The following SPOCK1 variants were observed in gnomAD, a reference collection of about 807,000 sequenced individuals.
SPOCK1 encodes the protein SPARC (osteonectin), cwcv and kazal like domains proteoglycan 1.
A neutral mutation model predicts 55.3 loss-of-function variants in SPOCK1; 23 were observed. That is an observed-to-expected ratio of 0.42 (90% CI 0.30 to 0.59). SPOCK1 has a LOEUF of 0.59. Among genes scored for constraint, SPOCK1 ranks in the 20% least tolerant of loss-of-function variants. The pLI is 0.22. For synonymous variants in SPOCK1, 226 were observed against 221.0 expected (o/e 1.02, Z -0.20); for missense variants, 499 against 552.5 (o/e 0.90, Z 0.97).
chr5:137,196,349 T>C (rs905992378), intron 3 of SPOCK1, among the ~76,000 whole-genome samples: 1 of 152,184 alleles, frequency 6.6e-6, no homozygotes, highest in African/African-American at 2.4e-5. Flanking sequence ...TGCATCTGCC[T>C]GAAAACCTTT....
At chr5:137,393,808 A>G (rs1751781525) in intron 2 of SPOCK1, among the ~76,000 whole-genome samples, 1 of 152,258 alleles carries the variant, frequency 6.6e-6, no homozygotes, top group Non-Finnish European at 1.5e-5. Context: ...GGCCAGGAAC[A>G]TTGTATACAC....
intron 5 of SPOCK1, among the ~76,000 whole-genome samples, chr5:137,083,937 T>C (rs902170639): frequency 6.6e-6 from 1 of 151,664 alleles, no homozygotes; most frequent in African/African-American, 2.4e-5. Context: ...ACAAACCTGC[T>C]CTCAAATCCC....
intron 6 of SPOCK1, among the ~76,000 whole-genome samples, chr5:137,040,873 G>C (rs1376877676): frequency 2.0e-5 from 3 of 152,116 alleles, no homozygotes; most frequent in South Asian, 4.1e-4. Context: ...ACTGGCCAAG[G>C]AAATTGTTCC....
At chr5:137,088,362 TG>T (rs1338079499) in intron 5 of SPOCK1, among the ~76,000 whole-genome samples, 13 of 152,262 alleles carry the variant, frequency 8.5e-5, no homozygotes, top group Non-Finnish European at 1.9e-4. Flanking sequence ...GCTGGTTGTA[TG>T]TTTTCCTTTG....
rs145057785 is a variant in SPOCK1 at position 137,198,594 on chromosome 5, C to T, written c.233-57900G>A. On this transcript the variant is annotated intron_variant, in intron 3 of 10. Coordinates refer to ENST00000394945, the MANE Select transcript of SPOCK1 (RefSeq NM_004598.4). ...ATGCTAATTGTTTATCTACAGTCTA[C>T]GAAATTTTTTGCTCATCTCTGTCTA... is the stretch of plus-strand genomic sequence containing the variant. Among the ~76,000 whole-genome samples, 1,084 of 152,260 alleles carry T rather than the reference C, an allele frequency of 7.1e-3. 13 individuals carry two copies. The highest frequency in any genetic ancestry group is 0.024 in the African/African-American group (982 of 41,560).
At chr5:137,180,246 A>T (rs554532761) in intron 3 of SPOCK1, among the ~76,000 whole-genome samples, 4 of 152,254 alleles carry the variant, frequency 2.6e-5, no homozygotes, top group African/African-American at 9.6e-5. Context: ...GCCAAGTGTA[A>T]CATGTTTTGT....
chr5:137,028,337 G>A (rs1445077063), intron 6 of SPOCK1, among the ~76,000 whole-genome samples: 2 of 152,202 alleles, frequency 1.3e-5, no homozygotes, highest in Non-Finnish European at 2.9e-5. Context: ...ACTACCACTT[G>A]CAGACTCTAA....
At chr5:137,411,029 C>G (rs1030889958) in intron 2 of SPOCK1, among the ~76,000 whole-genome samples, 5 of 152,184 alleles carry the variant, frequency 3.3e-5, no homozygotes, top group Admixed American at 6.5e-5. Flanking sequence ...TTCTCAGGAC[C>G]AGTGGCATCA....
chr5:137,322,841 T>C (rs1561504356), intron 2 of SPOCK1, among the ~76,000 whole-genome samples: 1 of 152,160 alleles, frequency 6.6e-6, no homozygotes, highest in Non-Finnish European at 1.5e-5. Flanking sequence ...CAGGAATTTA[T>C]TTTCTCACAG....
chr5:137,302,084 C>G (rs1290619311), intron 2 of SPOCK1, among the ~76,000 whole-genome samples: 1 of 152,112 alleles, frequency 6.6e-6, no homozygotes, highest in East Asian at 1.9e-4. Context: ...TATTGCAGAA[C>G]CTATAAACAG....
intron 2 of SPOCK1, among the ~76,000 whole-genome samples, chr5:137,492,338 T>C (rs1446496534): frequency 1.3e-5 from 2 of 152,176 alleles, no homozygotes; most frequent in African/African-American, 4.8e-5. Context: ...ATGAAAACTA[T>C]GATGATGCAG....
chr5:137,070,818 T>C (rs1164885448), intron 5 of SPOCK1, among the ~76,000 whole-genome samples: 1 of 151,988 alleles, frequency 6.6e-6, no homozygotes, highest in East Asian at 1.9e-4. Context: ...GCCTGCAGCA[T>C]CCCCTCTCCT....
At chr5:136,998,708 T>C (rs969579706) in intron 6 of SPOCK1, among the ~76,000 whole-genome samples, 4 of 152,248 alleles carry the variant, frequency 2.6e-5, no homozygotes, top group African/African-American at 9.6e-5. Flanking sequence ...CTCTCACCTT[T>C]GTTAGCTTTG....
chr5:137,044,779 G>A (rs1480651267), intron 6 of SPOCK1, among the ~76,000 whole-genome samples: 9 of 146,306 alleles, frequency 6.2e-5, no homozygotes, highest in African/African-American at 2.3e-4. Flanking sequence ...ATCTCCCAAT[G>A]CTATCCCTCC....
intron 3 of SPOCK1, among the ~76,000 whole-genome samples, chr5:137,164,981 C>G (rs753910657): frequency 6.6e-6 from 1 of 152,220 alleles, no homozygotes. Flanking sequence ...CTGCCCAGGT[C>G]CTGGGGGAAC....
intron 4 of SPOCK1, among the ~76,000 whole-genome samples, chr5:137,127,491 G>A (rs1043362725): frequency 6.6e-6 from 1 of 152,266 alleles, no homozygotes; most frequent in African/African-American, 2.4e-5. Flanking sequence ...GGGTCCAGAA[G>A]GTGAGACTCT....
chr5:137,443,796 G>T (rs539502749), intron 2 of SPOCK1, among the ~76,000 whole-genome samples: 5 of 152,210 alleles, frequency 3.3e-5, no homozygotes, highest in Admixed American at 1.3e-4. Flanking sequence ...TTCTCTCTAA[G>T]CTGGCCTCCA....
At chr5:137,096,888 T>C (rs1292966743) in intron 5 of SPOCK1, among the ~76,000 whole-genome samples, 1 of 152,212 alleles carries the variant, frequency 6.6e-6, no homozygotes, top group Non-Finnish European at 1.5e-5. Flanking sequence ...GTCTGGACTC[T>C]ATGAGTCAGG....
rs56328555 is a variant in SPOCK1, at chr5:137,233,713, C to CTTTTTTTTTTTTTTTTTTTTTT, written c.232+33275_232+33296dup. Among the ~76,000 whole-genome samples, 49 of 58,426 alleles carry CTTTTTTTTTTTTTTTTTTTTTT rather than the reference C, an allele frequency of 8.4e-4. 1 individual carries two copies. Among genetic ancestry groups the CTTTTTTTTTTTTTTTTTTTTTT allele is most frequent in the African/African-American group, 1.4e-3 (15 of 11,036 alleles). The allele number at this position is 58,426 out of a possible 152,430, so 38.3% of individuals were successfully genotyped here. ...TTCATTGTTAGTATGAGGATATGCACTTTTTTTTTTTTTTTTTTTTTTTTT... is the reference window on the plus strand; with the variant it reads ...TTCATTGTTAGTATGAGGATATGCACTTTTTTTTTTTTTTTTTTTTTTTTTTTTTTTTTTTTTTTTTTTTTTT... On this transcript the variant is annotated intron_variant, in intron 3 of 10. Transcript: ENST00000394945.
Sources: allele counts gnomAD v4.1 joint callset (sites outside exome capture counted in the v4.1 genomes callset), GRCh38; gene constraint gnomAD v4.1.1; transcripts MANE v1.5; gene names NCBI Gene and HGNC (gene_info 2026-07-23, HGNC 2026-07-21).